The following PDE7A variants were observed in gnomAD, a reference collection of about 807,000 sequenced individuals.
PDE7A encodes high affinity 3',5'-cyclic-AMP phosphodiesterase 7A.
Under a neutral mutation model 64.3 loss-of-function variants are expected in PDE7A, and 39 were observed. The observed-to-expected ratio is 0.61, with a 90% CI of 0.47 to 0.79. The LOEUF (loss-of-function observed/expected upper bound fraction) is 0.79, where lower values mean the gene tolerates loss of function less well. Ranked by LOEUF, PDE7A falls within the 30% of genes least tolerant of loss-of-function variation. PDE7A has a pLI of 0.00. For synonymous variants in PDE7A, 203 were observed against 206.8 expected (o/e 0.98, Z 0.16); for missense variants, 470 against 582.8 (o/e 0.81, Z 1.99).
At chr8:65,833,031 C>A (rs957474284) in intron 1 of PDE7A, among the ~76,000 whole-genome samples, 1 of 152,214 alleles carries the variant, frequency 6.6e-6, no homozygotes, top group Non-Finnish European at 1.5e-5. Context: ...AAACTTATAT[C>A]TTCTCCAAAT....
At chr8:65,820,843 G>A (rs887717277) in intron 1 of PDE7A, among the ~76,000 whole-genome samples, 5 of 152,202 alleles carry the variant, frequency 3.3e-5, no homozygotes, top group African/African-American at 4.8e-5. Flanking sequence ...ACCCGCCTCA[G>A]CCTCCCAAAG....
intron 3 of PDE7A, among the ~76,000 whole-genome samples, chr8:65,775,555 C>G (rs527381884): frequency 1.3e-5 from 2 of 152,168 alleles, no homozygotes; most frequent in Non-Finnish European, 2.9e-5. Flanking sequence ...GGTGGCCAGG[C>G]CTTTTTGTTT....
intron 4 of PDE7A, among the ~76,000 whole-genome samples, chr8:65,746,026 G>A (rs1807658500): frequency 6.6e-6 from 1 of 152,028 alleles, no homozygotes. Context: ...GACCTCCTGG[G>A]CTCGAGCAAT....
chr8:65,773,082 T>C (rs771743253), intron 3 of PDE7A, among the ~76,000 whole-genome samples: 1 of 152,096 alleles, frequency 6.6e-6, no homozygotes, highest in Non-Finnish European at 1.5e-5. Flanking sequence ...TTTAGGACAA[T>C]CAGAGGAGTC....
chr8:65,817,161 A>C (rs1227004329), intron 1 of PDE7A, among the ~76,000 whole-genome samples: 1 of 152,210 alleles, frequency 6.6e-6, no homozygotes, highest in Non-Finnish European at 1.5e-5. Context: ...TTTGATTTTT[A>C]AAACTTTTAA....
At chr8:65,739,465 T>C in intron 6 of PDE7A, 37 bp downstream of exon 6, 2 of 1,516,870 alleles carry the variant, frequency 1.3e-6, no homozygotes, top group South Asian at 1.3e-5. Context: ...TGTATAAATG[T>C]AAATCTTGTT....
At chr8:65,828,984 T>C (rs1464227549) in intron 1 of PDE7A, among the ~76,000 whole-genome samples, 1 of 152,148 alleles carries the variant, frequency 6.6e-6, no homozygotes, top group Non-Finnish European at 1.5e-5. Context: ...TATTTGATTG[T>C]ATTATCCTTG....
chr8:65,799,127 T>C (rs1426505331), intron 1 of PDE7A, among the ~76,000 whole-genome samples: 2 of 152,144 alleles, frequency 1.3e-5, no homozygotes, highest in Admixed American at 1.3e-4. Flanking sequence ...CCAAAAGAAC[T>C]TTTTGGAGTG....
chr8:65,785,874 T>C (rs1809541543), intron 1 of PDE7A, among the ~76,000 whole-genome samples: 1 of 152,290 alleles, frequency 6.6e-6, no homozygotes, highest in East Asian at 1.9e-4. Flanking sequence ...ACTATAACAG[T>C]TGCTATTTAG....
At chr8:65,746,204 G>T (rs1422413721) in intron 4 of PDE7A, among the ~76,000 whole-genome samples, 1 of 151,798 alleles carries the variant, frequency 6.6e-6, no homozygotes, top group Non-Finnish European at 1.5e-5. Context: ...AACGTGCTAG[G>T]ATTACAGGCA....
chr8:65,771,742 G>T (rs1249881531), intron 3 of PDE7A, among the ~76,000 whole-genome samples: 2 of 151,990 alleles, frequency 1.3e-5, no homozygotes, highest in South Asian at 4.2e-4. Context: ...AGGCGTGGTG[G>T]TGGGTGCCTG....
chr8:65,822,420 G>A (rs1652558161), intron 1 of PDE7A, among the ~76,000 whole-genome samples: 1 of 152,214 alleles, frequency 6.6e-6, no homozygotes, highest in South Asian at 2.1e-4. Flanking sequence ...GGAAGTGTGG[G>A]TAGAGCAGAC....
intron 2 of PDE7A, 112 bp downstream of exon 2, chr8:65,782,670 AT>A (rs1258012972): frequency 1.6e-6 from 1 of 630,350 alleles, no homozygotes; most frequent in Non-Finnish European, 2.8e-6. Flanking sequence ...TGAATAGGTT[AT>A]TTCTACTACA....
Position 65,715,463 on chromosome 8 carries a change from C to T in PDE7A, c.*3827G>A, listed in dbSNP as rs188672669. ...CACAATCTCTGCTCCTTGCAACCTC[C>T]GCCACCTGGGTTCAAGCAATTCTTC... On this transcript the variant is annotated 3_prime_UTR_variant, in exon 13 of 13. Coordinates refer to ENST00000401827, the MANE Select transcript of PDE7A (RefSeq NM_001242318.3). Among the ~76,000 whole-genome samples, 87 of 151,578 alleles carry T rather than the reference C, an allele frequency of 5.7e-4. No individual in the cohort carries two copies. Among genetic ancestry groups the T allele is most frequent in the Non-Finnish European group, 7.2e-4 (49 of 67,840 alleles).
Position 65,841,963 on chromosome 8 carries a change from G to GGCCGCCGCCGCCGCC in PDE7A, c.-470_-456dup, listed in dbSNP as rs376061587. 453 of 244,374 alleles carry GGCCGCCGCCGCCGCC rather than the reference G, an allele frequency of 1.9e-3. 5 individuals carry two copies. The highest frequency in any genetic ancestry group is 9.1e-3 in the African/African-American group (375 of 41,194). The allele number at this position is 244,374 out of a possible 1,614,324, so 15.1% of individuals were successfully genotyped here. A position where few individuals can be genotyped will look rare whatever the true frequency, so the allele number is the denominator to read the frequency against. On this transcript the variant is annotated 5_prime_UTR_variant, in exon 1 of 13. Coordinates refer to ENST00000401827, the MANE Select transcript of PDE7A (RefSeq NM_001242318.3). ...GGACTCAGGAGCAGCGACCAGCTCGGGCCGCCGCCGCCGCCGCCGCCGCCG... is the reference window on the plus strand; with the variant it reads ...GGACTCAGGAGCAGCGACCAGCTCGGGCCGCCGCCGCCGCCGCCGCCGCCGCCGCCGCCGCCGCCG...
At chr8:65,777,073 A>C (rs1809280297) in intron 3 of PDE7A, among the ~76,000 whole-genome samples, 3 of 147,446 alleles carry the variant, frequency 2.0e-5, no homozygotes, top group Non-Finnish European at 4.4e-5. Context: ...AATTTTATCA[A>C]ATGCTTTTTT....
intron 1 of PDE7A, among the ~76,000 whole-genome samples, chr8:65,820,277 T>C (rs1239773274): frequency 6.6e-6 from 1 of 152,146 alleles, no homozygotes; most frequent in African/African-American, 2.4e-5. Context: ...ATGCCAGTAG[T>C]TCCAGCTACT....
chr8:65,838,555 A>T (rs890013010), intron 1 of PDE7A: 4 of 152,352 alleles, frequency 2.6e-5, no homozygotes, highest in Admixed American at 1.3e-4. Context: ...TCAGTTCAGC[A>T]TCAATACTTA....
At position 65,841,683 on chromosome 8, in the gene PDE7A, G is replaced by C. The variant is rs1199964723; in HGVS notation, c.-175C>G. The C allele has an allele frequency of 2.4e-5, 4 of 165,518 alleles. No individual in the cohort carries two copies. Among genetic ancestry groups the C allele is most frequent in the South Asian group, 2.0e-4 (1 of 4,948 alleles). 10.3% of individuals were successfully genotyped at this position (165,518 alleles called of 1,614,324 possible). A position where few individuals can be genotyped will look rare whatever the true frequency, so the allele number is the denominator to read the frequency against. ...CCTCCCCAACCCCAGCCCTCCGCTC[G>C]GGCCGCCGGCGGGAAGGCTCCGCGG... On this transcript the variant is annotated 5_prime_UTR_variant, in exon 1 of 13. Transcript: ENST00000401827.
Sources: gnomAD v4.1 joint callset for allele counts (sites outside exome capture counted in the v4.1 genomes callset) on GRCh38, gnomAD v4.1.1 for gene constraint, MANE v1.5 for transcripts, NCBI Gene and HGNC (gene_info 2026-07-23, HGNC 2026-07-21) for gene names.